The following RRP12 variants were observed in gnomAD, a reference collection of about 807,000 sequenced individuals.
The protein encoded by RRP12 is ribosomal RNA processing 12 homolog, also known as RRP12-like protein.
RRP12 carries 78 observed loss-of-function variants against 157.3 expected under a neutral mutation model. That is an observed-to-expected ratio of 0.50 (90% CI 0.41 to 0.60). The LOEUF (loss-of-function observed/expected upper bound fraction) is 0.60, where lower values mean the gene tolerates loss of function less well. Ranked by LOEUF, RRP12 falls within the 20% of genes least tolerant of loss-of-function variation. RRP12 has a pLI of 0.00. For synonymous variants in RRP12, 726 were observed against 670.9 expected (o/e 1.08, Z -1.27); for missense variants, 1,521 against 1,679.9 (o/e 0.91, Z 1.65).
intron 10 of RRP12, among the ~76,000 whole-genome samples, chr10:97,383,917 C>T (rs953161230): frequency 4.6e-5 from 7 of 152,336 alleles, no homozygotes; most frequent in South Asian, 2.1e-4. Flanking sequence ...GGCTGGCAAA[C>T]GCTCTGGCAG....
At chr10:97,395,190 G>GTA (rs1216137437) in intron 3 of RRP12, among the ~76,000 whole-genome samples, 4 of 137,092 alleles carry the variant, frequency 2.9e-5, no homozygotes, top group East Asian at 4.1e-4. Context: ...AAAATAAAAA[G>GTA]TATATATATA....
intron 4 of RRP12, 47 bp from the exon 5 acceptor site, chr10:97,390,891 C>A (rs1444645048): frequency 1.6e-6 from 2 of 1,231,802 alleles, no homozygotes; most frequent in Admixed American, 1.7e-5. Context: ...CCCTGAAGAG[C>A]AGCTGGTGCA....
intron 20 of RRP12, 41 bp downstream of exon 20, chr10:97,372,032 C>T: frequency 6.9e-7 from 1 of 1,443,704 alleles, no homozygotes; most frequent in South Asian, 1.2e-5. Context: ...CCATCTGCCC[C>T]CAAGCGTGGC....
intron 13 of RRP12, 44 bp from the exon 14 acceptor site, chr10:97,379,814 G>A (rs763256794): frequency 1.9e-6 from 3 of 1,554,218 alleles, no homozygotes; most frequent in Non-Finnish European, 2.6e-6. Flanking sequence ...ATGCTCGAAA[G>A]CAGGGACCCA....
At chr10:97,388,720 A>G in intron 6 of RRP12, 96 bp from the exon 7 acceptor site, 1 of 1,442,662 alleles carries the variant, frequency 6.9e-7, no homozygotes, top group Non-Finnish European at 9.5e-7. Context: ...CTTTGGCTGA[A>G]ATATAGATCC....
chr10:97,360,431 T>C lies in RRP12; in HGVS notation c.3640+115A>G, dbSNP rs59723277. 103 of 805,498 alleles carry C rather than the reference T, an allele frequency of 1.3e-4. No homozygotes were observed. In the African/African-American group the frequency reaches 1.6e-3, roughly 12 times the overall value. 49.9% of individuals were successfully genotyped at this position (805,498 alleles called of 1,614,324 possible). A position where few individuals can be genotyped will look rare whatever the true frequency, so the allele number is the denominator to read the frequency against. ...TCAGCCAACCTCTGTTGGTGCCAAG[T>C]GAGTGCAACCAGGCTGTGCACCCTC... On this transcript the variant is annotated intron_variant, in intron 31 of 33. Coordinates refer to ENST00000370992, the MANE Select transcript of RRP12 (RefSeq NM_015179.4).
chr10:97,379,776 G>C lies in RRP12; in HGVS notation c.1534-6C>G. ...TCACACAGGGACTGGAGGCACTGCA[G>C]CAGAGATGAGTGACCACACATCAAG... On this transcript the variant is annotated splice_polypyrimidine_tract_variant and splice_region_variant and intron_variant, in intron 13 of 33. Coordinates refer to ENST00000370992, the MANE Select transcript of RRP12 (RefSeq NM_015179.4). The C allele has an allele frequency of 6.3e-7, 1 of 1,599,212 alleles. No homozygotes were observed. Among genetic ancestry groups the C allele is most frequent in the Non-Finnish European group, 8.5e-7 (1 of 1,172,948 alleles).
In RRP12 at chr10:97,393,728, C is replaced by T; in HGVS notation, c.486G>A (p.Glu162=). The part of the protein sequence containing the change: ...MTTMEAVESP[E]SLAAVAYLLN... ...GCAGGTAAGCAACGGCGGCCAGGGA[C>T]TCCGGGGACTCCACTGCTTCCATTG... The change falls in exon 4 of 34, where the codon GAG becomes GAA. Residue 162 remains glutamate (E), a synonymous_variant. Transcript: ENST00000370992. 1 of 1,614,086 alleles carries T rather than the reference C, an allele frequency of 6.2e-7. No individual in the cohort carries two copies. The highest frequency in any genetic ancestry group is 2.2e-5 in the East Asian group (1 of 44,864).
chr10:97,371,841 A>G, intron 20 of RRP12: 1 of 456,100 alleles, frequency 2.2e-6, no homozygotes, highest in Non-Finnish European at 4.0e-6. Flanking sequence ...TGGTTCTACA[A>G]GAGTCACTCA....
Position 97,380,968 on chromosome 10 carries a change from C to G in RRP12, c.1419-55G>C, listed in dbSNP as rs1289273289. On this transcript the variant is annotated intron_variant, in intron 12 of 33. Coordinates refer to ENST00000370992, the MANE Select transcript of RRP12 (RefSeq NM_015179.4). ...CGGTCACACCACCCTGTGCCCCCCA[C>G]CAGAGAAAGTCAACGGCCAGCACCC... 3 of 1,429,380 alleles carry G rather than the reference C, an allele frequency of 2.1e-6. 1 individual carries two copies. The Admixed American group carries it at 5.1e-5, about 24-fold the overall frequency. 88.5% of individuals were successfully genotyped at this position (1,429,380 alleles called of 1,614,324 possible). A position where few individuals can be genotyped will look rare whatever the true frequency, so the allele number is the denominator to read the frequency against.
intron 15 of RRP12, among the ~76,000 whole-genome samples, chr10:97,377,850 A>AG (rs1348980722): frequency 2.0e-5 from 3 of 151,698 alleles, no homozygotes; most frequent in African/African-American, 7.2e-5. Flanking sequence ...ATCTCAAAAA[A>AG]AAAAAAAAAA....
intron 31 of RRP12, 123 bp downstream of exon 31, chr10:97,360,423 G>A: frequency 1.3e-6 from 1 of 761,414 alleles, no homozygotes. Context: ...ACCTCTGTTG[G>A]TGCCAAGTGA....
At position 97,373,056 on chromosome 10, in the gene RRP12, G is replaced by A. The variant is rs755215951; in HGVS notation, c.2171C>T (p.Thr724Ile). The change falls in exon 18 of 34, where the codon ACT becomes ATT. Residue 724 changes from threonine to isoleucine, a missense_variant. Coordinates refer to ENST00000370992, the MANE Select transcript of RRP12 (RefSeq NM_015179.4). ...CCTTCCGTGGCTCACCTGAGTGTCAGTGATGGTGAGGTAAGTTCTGATGGT... is the reference window on the plus strand; with the variant it reads ...CCTTCCGTGGCTCACCTGAGTGTCAATGATGGTGAGGTAAGTTCTGATGGT... The part of the protein sequence containing the change: ...LETIRTYLTI[T>I]DTQLVNSLLE... The A allele has an allele frequency of 1.2e-6, 2 of 1,612,460 alleles. No individual in the cohort carries two copies. The highest frequency in any genetic ancestry group is 1.7e-5 in the Admixed American group (1 of 59,838).
At chr10:97,399,588 C>T (rs1440937155) in intron 2 of RRP12, among the ~76,000 whole-genome samples, 1 of 151,900 alleles carries the variant, frequency 6.6e-6, no homozygotes, top group Non-Finnish European at 1.5e-5. Flanking sequence ...GGCACGGTGG[C>T]TCATGCCTGT....
chr10:97,359,679 A>T (rs983243279), intron 31 of RRP12, among the ~76,000 whole-genome samples: 1 of 152,220 alleles, frequency 6.6e-6, no homozygotes, highest in Non-Finnish European at 1.5e-5. Context: ...CAGATGAGAA[A>T]CTAGAAGCTC....
Position 97,372,738 on chromosome 10 carries a change from G to C in RRP12, c.2247C>G (p.Thr749=). 10 of 1,558,636 alleles carry C rather than the reference G, an allele frequency of 6.4e-6. No individual in the cohort carries two copies. The highest frequency in any genetic ancestry group is 8.7e-6 in the Non-Finnish European group (10 of 1,150,850). The change falls in exon 19 of 34, where the codon ACC becomes ACG. Residue 749 remains threonine (T), a splice_region_variant and synonymous_variant. Transcript: ENST00000370992. The part of the protein sequence containing the change: ...KVLDPASSDF[T]RLSVLDLVVA... ...GTGGGAGGCCCTGAGCATGTTACCTGGTAAAGTCAGAGCTGGCAGGGTCGA... is the reference window on the plus strand; with the variant it reads ...GTGGGAGGCCCTGAGCATGTTACCTCGTAAAGTCAGAGCTGGCAGGGTCGA...
intron 8 of RRP12, among the ~76,000 whole-genome samples, chr10:97,387,233 T>C (rs1015122431): frequency 3.3e-5 from 5 of 151,902 alleles, no homozygotes; most frequent in Admixed American, 2.0e-4. Context: ...TAAGGAATAA[T>C]GACAAGGAAA....
intron 8 of RRP12, 52 bp downstream of exon 8, chr10:97,388,200 A>T: frequency 1.2e-6 from 2 of 1,610,422 alleles, no homozygotes; most frequent in Non-Finnish European, 1.7e-6. Flanking sequence ...TGAGTTCCCC[A>T]AATGCCACCA....
intron 2 of RRP12, 44 bp downstream of exon 2, chr10:97,400,261 G>T: frequency 7.0e-7 from 1 of 1,433,808 alleles, no homozygotes; most frequent in Non-Finnish European, 9.8e-7. Flanking sequence ...GCATGAGTTG[G>T]CCTCTCCTCA....
Sources: gnomAD v4.1 joint callset for allele counts (sites outside exome capture counted in the v4.1 genomes callset) on GRCh38, gnomAD v4.1.1 for gene constraint, MANE v1.5 for transcripts, NCBI Gene and HGNC (gene_info 2026-07-23, HGNC 2026-07-21) for gene names.